Variants in TP53I3 observed in about 807,000 individuals in gnomAD.
TP53I3 encodes quinone oxidoreductase PIG3.
TP53I3 carries 32 observed loss-of-function variants against 27.7 expected under a neutral mutation model. The ratio of observed to expected loss-of-function variants is 1.16; its 90% CI spans 0.87 to 1.55. TP53I3 has a LOEUF of 1.55. Ranked by LOEUF, TP53I3 falls within the 40% of genes most tolerant of loss-of-function variation. TP53I3 has a pLI of 0.00. For synonymous variants in TP53I3, 138 were observed against 167.8 expected (o/e 0.82, Z 1.37); for missense variants, 372 against 412.3 (o/e 0.90, Z 0.85).
At chr2:24,079,318 A>T in intron 4 of TP53I3, 126 bp downstream of exon 4, 1 of 990,000 alleles carries the variant, frequency 1.0e-6, no homozygotes, top group Non-Finnish European at 1.5e-6. Flanking sequence ...TTATCTTCAG[A>T]GGGGGAGGTT....
Position 24,082,978 on chromosome 2 carries a change from G to T in TP53I3, c.313C>A (p.Leu105Ile). The change falls in exon 2 of 5, where the codon CTC (leucine) becomes ATC (isoleucine). Residue 105 changes from leucine to isoleucine, a missense_variant. Transcript: ENST00000238721. ...AATCCCTCTGGGATAGGCATGAGGA[G>T]CCCTTCGGGGACAGTGACGTACTGA... ...QAQYVTVPEG[L>I]LMPIPEGLTL... is the part of the protein sequence containing the mutation. The T allele has an allele frequency of 6.2e-7, 1 of 1,614,198 alleles. No homozygotes were observed. Among genetic ancestry groups the T allele is most frequent in the Non-Finnish European group, 8.5e-7 (1 of 1,180,026 alleles).
At position 24,080,863 on chromosome 2, in the gene TP53I3, T is replaced by C. The variant is rs746655102; in HGVS notation, c.575A>G (p.Tyr192Cys). 6.2e-7 allele frequency: 1 copy of C among 1,614,258 alleles called. No individual in the cohort carries two copies. The highest frequency in any genetic ancestry group is 8.5e-7 in the Non-Finnish European group (1 of 1,180,052). The change falls in exon 3 of 5, where the codon TAC (tyrosine) becomes TGC (cysteine). Residue 192 changes from tyrosine (Y) to cysteine (C), a missense_variant. Coordinates refer to ENST00000238721, the MANE Select transcript of TP53I3 (RefSeq NM_004881.5). The surrounding 1 kb of genome is among the most constrained non-coding windows in gnomAD (Gnocchi z 4.7). ...TGCTTCAGAGAAATCCTCTTTTTTGTAATTGAATCCAGCAGCTGCTCCAAG... is the reference window on the plus strand; with the variant it reads ...TGCTTCAGAGAAATCCTCTTTTTTGCAATTGAATCCAGCAGCTGCTCCAAG... ...EKLGAAAGFN[Y>C]KKEDFSEATL...
chr2:24,080,910 C>T lies in TP53I3; in HGVS notation c.528G>A (p.Lys176=). ...AIPLVTAGSQ[K]KLQMAEKLGA... is the part of the protein sequence containing the mutation. ...CAAGCTTTTCTGCCATTTGAAGCTT[C>T]TTCTGGGAGCCAGCTGTGACCAGAG... Residue 176 remains lysine, a synonymous_variant, in exon 3 of 5, where the codon AAG becomes AAA. Coordinates refer to ENST00000238721, the MANE Select transcript of TP53I3 (RefSeq NM_004881.5). The surrounding 1 kb of genome is among the most constrained non-coding windows in gnomAD (Gnocchi z 4.7). 1.2e-6 allele frequency: 2 copies of T among 1,614,200 alleles called. No homozygotes were observed. The highest frequency in any genetic ancestry group is 1.7e-6 in the Non-Finnish European group (2 of 1,180,036).
Position 24,080,794 on chromosome 2 carries a change from C to T in TP53I3, c.619+25G>A, listed in dbSNP as rs1398892867. 1 of 1,613,178 alleles carries T rather than the reference C, an allele frequency of 6.2e-7. No homozygotes were observed. Among genetic ancestry groups the T allele is most frequent in the South Asian group, 1.1e-5 (1 of 91,044 alleles). ...TATTTAATCATCTCTTAAATTCCTG[C>T]TGAACTGTAGAAGCAGTTGTTTACC... On this transcript the variant is annotated intron_variant, in intron 3 of 4. Transcript: ENST00000238721. This position sits in a 1 kb window ranked among gnomAD's most constrained non-coding sequence, Gnocchi z 4.7.
chr2:24,079,377 G>T, intron 4 of TP53I3, 67 bp downstream of exon 4: 1 of 1,525,460 alleles, frequency 6.6e-7, no homozygotes, highest in Non-Finnish European at 9.0e-7. Context: ...TTCCTTTCTC[G>T]GGGTAATGTA....
At chr2:24,081,098 C>A in intron 2 of TP53I3, 67 bp from the exon 3 acceptor site, 1 of 1,309,750 alleles carries the variant, frequency 7.6e-7, no homozygotes, top group South Asian at 1.4e-5. Context: ...CAGGCATATT[C>A]TATCAAGATC....
rs1664798751 is a variant in TP53I3 at position 24,077,450 on chromosome 2, T to C, written c.*129A>G. The C allele has an allele frequency of 1.7e-6, 2 of 1,148,030 alleles. No individual in the cohort carries two copies. The highest frequency in any genetic ancestry group is 2.3e-6 in the Non-Finnish European group (2 of 853,546). The allele number at this position is 1,148,030 out of a possible 1,614,324, so 71.1% of individuals were successfully genotyped here. On this transcript the variant is annotated 3_prime_UTR_variant, in exon 5 of 5. Transcript: ENST00000238721. The surrounding 1 kb of genome is among the most constrained non-coding windows in gnomAD (Gnocchi z 5.5). Reference sequence around the variant, plus strand: ...TGCCACCCTTCCAGTTCACTCTTTATTTCCTCATATCAGCTTTAAACGGCT... The same window carrying C: ...TGCCACCCTTCCAGTTCACTCTTTACTTCCTCATATCAGCTTTAAACGGCT...
chr2:24,083,990 G>A (rs1028678094), intron 1 of TP53I3, among the ~76,000 whole-genome samples, 199 bp downstream of exon 1: 1 of 152,204 alleles, frequency 6.6e-6, no homozygotes, highest in East Asian at 1.9e-4. Context: ...GCTCGGGGTG[G>A]ATTCTGCTTT....
Position 24,083,163 on chromosome 2 carries a change from A to C in TP53I3, c.139-11T>G, listed in dbSNP as rs1665092460. The C allele has an allele frequency of 6.3e-7, 1 of 1,594,020 alleles. No individual in the cohort carries two copies. Among genetic ancestry groups the C allele is most frequent in the South Asian group, 1.1e-5 (1 of 89,104 alleles). ...ATACTGGCCTTGTCTCTGCAGAGAA[A>C]GAAGTGCACTAAGTGGTGAGCATGA... On this transcript the variant is annotated splice_polypyrimidine_tract_variant and intron_variant, in intron 1 of 4. Transcript: ENST00000238721.
At chr2:24,083,230 A>G in intron 1 of TP53I3, 78 bp from the exon 2 acceptor site, 1 of 1,467,816 alleles carries the variant, frequency 6.8e-7, no homozygotes. Context: ...CCCTTCCAAG[A>G]TCCCCTCTTT....
intron 2 of TP53I3, 67 bp from the exon 3 acceptor site, chr2:24,081,098 C>T (rs1304487668): frequency 7.6e-7 from 1 of 1,309,630 alleles, no homozygotes; most frequent in Non-Finnish European, 1.0e-6. Flanking sequence ...CAGGCATATT[C>T]TATCAAGATC....
At chr2:24,078,804 A>G (rs1401920695) in intron 4 of TP53I3, 1 of 152,448 alleles carries the variant, frequency 6.6e-6, no homozygotes, top group African/African-American at 2.4e-5. Context: ...CAGCTGGTGC[A>G]AAACCCTATG....
chr2:24,080,114 TG>T lies in TP53I3; in HGVS notation c.620-475del, dbSNP rs1312204308. Among the ~76,000 whole-genome samples the T allele has an allele frequency of 3.3e-5, 5 of 152,234 alleles. No homozygotes were observed. In the East Asian group the frequency reaches 9.6e-4, roughly 29 times the overall value. On this transcript the variant is annotated intron_variant, in intron 3 of 4. Transcript: ENST00000238721. This position sits in a 1 kb window ranked among gnomAD's most constrained non-coding sequence, Gnocchi z 4.7. Reference sequence around the variant, plus strand: ...GCTCATGCCTGTAATCCCAGTACTTTGGGAGGCTGAGGCAGGTGGATCACCT... The same window carrying T: ...GCTCATGCCTGTAATCCCAGTACTTTGGAGGCTGAGGCAGGTGGATCACCT...
At chr2:24,078,833 G>C (rs11887770) in intron 4 of TP53I3, 18,181 of 152,548 alleles carry the variant, frequency 0.12, 1,261 homozygotes, top group South Asian at 0.18. Context: ...ATTCCCAAAG[G>C]TGGTACCTGC....
intron 4 of TP53I3, among the ~76,000 whole-genome samples, chr2:24,078,626 T>G (rs1260981374): frequency 6.6e-6 from 1 of 152,122 alleles, no homozygotes; most frequent in Non-Finnish European, 1.5e-5. Context: ...CCTCCAAATG[T>G]GTAACTTCTG....
At chr2:24,079,251 G>C (rs1664890720) in intron 4 of TP53I3, 193 bp downstream of exon 4, 2 of 585,918 alleles carry the variant, frequency 3.4e-6, no homozygotes, top group Non-Finnish European at 6.0e-6. Flanking sequence ...TTCTTTTCAT[G>C]ATACTGAAGC....
chr2:24,083,228 AG>A, intron 1 of TP53I3, 76 bp from the exon 2 acceptor site: 2 of 1,478,060 alleles, frequency 1.4e-6, no homozygotes, highest in South Asian at 2.8e-5. Flanking sequence ...CCCCCTTCCA[AG>A]ATCCCCTCTT....
Position 24,077,852 on chromosome 2 carries a change from C to G in TP53I3, c.817-91G>C. On this transcript the variant is annotated intron_variant, in intron 4 of 4. Coordinates refer to ENST00000238721, the MANE Select transcript of TP53I3 (RefSeq NM_004881.5). The surrounding 1 kb of genome is among the most constrained non-coding windows in gnomAD (Gnocchi z 5.5). ...TCAGCCTTCTTGCTCTCTCTGAAGC[C>G]ACGTATCTGAAAAAGCACACAGGGA... is the stretch of plus-strand genomic sequence containing the variant. The G allele has an allele frequency of 2.1e-6, 3 of 1,432,350 alleles. No homozygotes were observed. The highest frequency in any genetic ancestry group is 9.5e-7 in the Non-Finnish European group (1 of 1,056,892). 88.7% of individuals were successfully genotyped at this position (1,432,350 alleles called of 1,614,324 possible). A position where few individuals can be genotyped will look rare whatever the true frequency, so the allele number is the denominator to read the frequency against.
intron 2 of TP53I3, among the ~76,000 whole-genome samples, chr2:24,081,954 C>A (rs1195060358): frequency 6.6e-6 from 1 of 151,784 alleles, no homozygotes; most frequent in Non-Finnish European, 1.5e-5. Flanking sequence ...CTCAGCCGCC[C>A]AAAGTGCTGG....
Sources: gnomAD v4.1 joint callset for allele counts (sites outside exome capture counted in the v4.1 genomes callset) on GRCh38, gnomAD v4.1.1 for gene constraint, Gnocchi (gnomAD v3.1) non-coding constraint, MANE v1.5 for transcripts, NCBI Gene and HGNC (gene_info 2026-07-23, HGNC 2026-07-21) for gene names.